NTN1: variants seen among roughly 807,000 people sequenced by gnomAD.
The protein encoded by NTN1 is netrin-1.
Under a neutral mutation model 54.2 loss-of-function variants are expected in NTN1, and 11 were observed. The observed-to-expected ratio is 0.20, with a 90% confidence interval of 0.13 to 0.34. The LOEUF is 0.34. Ranked by LOEUF, NTN1 falls within the 10% of genes least tolerant of loss-of-function variation. The pLI, the probability that NTN1 is intolerant of heterozygous loss-of-function variation, is 1.00. For synonymous variants in NTN1, 371 were observed against 382.0 expected, an observed-to-expected ratio of 0.97 and a Z score of 0.33; for missense variants, 740 against 893.1, an observed-to-expected ratio of 0.83 and a Z score of 2.18.
chr17:9,139,396 G>A (rs2092290893), intron 2 of NTN1, among the ~76,000 whole-genome samples: 1 of 152,128 alleles, frequency 6.6e-6, no homozygotes, highest in African/African-American at 2.4e-5. Flanking sequence ...ACCTTCATTG[G>A]CTCCTTCTGA....
At chr17:9,179,658 G>A (rs1291224918) in intron 3 of NTN1, 149 bp from the exon 4 acceptor site, 21 of 954,566 alleles carry the variant, frequency 2.2e-5, no homozygotes, top group Middle Eastern at 3.2e-4. Context: ...AGCTTCCGGA[G>A]TGCGTTTGGG....
intron 2 of NTN1, among the ~76,000 whole-genome samples, chr17:9,097,479 G>C (rs142405624): frequency 3.1e-3 from 470 of 152,216 alleles, no homozygotes; most frequent in Middle Eastern, 0.01. Context: ...AAAAAAATTA[G>C]CTGGGTATAT....
intron 5 of NTN1, among the ~76,000 whole-genome samples, chr17:9,199,493 T>C (rs1904725724): frequency 6.6e-6 from 1 of 152,246 alleles, no homozygotes; most frequent in African/African-American, 2.4e-5. Context: ...GATGGGTGGC[T>C]CCCTTCCAAG....
chr17:9,201,297 C>T (rs1904779242), intron 5 of NTN1, among the ~76,000 whole-genome samples: 1 of 152,156 alleles, frequency 6.6e-6, no homozygotes, highest in Non-Finnish European at 1.5e-5. Flanking sequence ...GTGCTCTCCT[C>T]CTGGGCTTAC....
At chr17:9,089,073 G>A (rs2092099636) in intron 2 of NTN1, among the ~76,000 whole-genome samples, 1 of 152,158 alleles carries the variant, frequency 6.6e-6, no homozygotes, top group South Asian at 2.1e-4. Flanking sequence ...GTGGAGAGCT[G>A]AGAAGACCAG....
intron 5 of NTN1, among the ~76,000 whole-genome samples, chr17:9,191,507 A>C (rs935565681): frequency 2.0e-5 from 3 of 152,212 alleles, no homozygotes; most frequent in African/African-American, 7.2e-5. Context: ...TCTATAAGCA[A>C]AATAAAAGGC....
chr17:9,160,495 A>G (rs9891566), intron 2 of NTN1, among the ~76,000 whole-genome samples: 23,067 of 152,218 alleles, frequency 0.15, 1,886 homozygotes, highest in Non-Finnish European at 0.17. Context: ...CTAGATGTAT[A>G]AAAGTATGAT....
chr17:9,085,905 G>C (rs2092088767), intron 2 of NTN1, among the ~76,000 whole-genome samples: 1 of 152,158 alleles, frequency 6.6e-6, no homozygotes, highest in Non-Finnish European at 1.5e-5. Flanking sequence ...CACGTGGGGA[G>C]AACTGTCTCC....
chr17:9,131,749 T>G (rs1219983160), intron 2 of NTN1, among the ~76,000 whole-genome samples: 3 of 151,970 alleles, frequency 2.0e-5, no homozygotes, highest in African/African-American at 7.2e-5. Context: ...CCTGGCTAAT[T>G]TTTTGTATTT....
chr17:9,118,701 A>T (rs559443304), intron 2 of NTN1, among the ~76,000 whole-genome samples: 1 of 151,596 alleles, frequency 6.6e-6, no homozygotes, highest in East Asian at 1.9e-4. Context: ...GTCTGCCTGG[A>T]TTTGCCTATT....
chr17:9,013,822 G>T, the NTN1 span, among the ~76,000 whole-genome samples: 2 of 152,010 alleles, frequency 1.3e-5, no homozygotes, highest in Admixed American at 6.6e-5. Context: ...TGCACCCTTT[G>T]TTCCTTCCTC....
chr17:9,174,303 G>C (rs1042063266), intron 3 of NTN1: 1 of 152,430 alleles, frequency 6.6e-6, no homozygotes, highest in Non-Finnish European at 1.5e-5. Flanking sequence ...GGGGATGAAA[G>C]AGCTGATTGG....
At chr17:9,232,397 G>A (rs1454101452) in intron 6 of NTN1, among the ~76,000 whole-genome samples, 6 of 152,188 alleles carry the variant, frequency 3.9e-5, no homozygotes, top group Admixed American at 1.3e-4. Flanking sequence ...AGGCCTGACT[G>A]TGCCCACCTC....
At chr17:9,227,359 A>G (rs1567745469) in intron 6 of NTN1, among the ~76,000 whole-genome samples, 1 of 142,704 alleles carries the variant, frequency 7.0e-6, no homozygotes, top group Non-Finnish European at 1.5e-5. Context: ...TCACACTCAC[A>G]TCATACACAC....
intron 2 of NTN1, among the ~76,000 whole-genome samples, chr17:9,036,629 T>C (rs541446113): frequency 6.6e-6 from 1 of 152,244 alleles, no homozygotes; most frequent in East Asian, 1.9e-4. Flanking sequence ...AAGGTGACTT[T>C]GTACAAGTGT....
chr17:9,030,453 A>C lies in NTN1; in HGVS notation c.1018+7062A>C, dbSNP rs188503115. On this transcript the variant is annotated intron_variant, in intron 2 of 6. Coordinates refer to ENST00000173229, the MANE Select transcript of NTN1 (RefSeq NM_004822.3). ...TGCATGTGAAGAAGACCTAGAAGAAAGATGATTCTGTGGCTGGACGCAGTG... is the reference window on the plus strand; with the variant it reads ...TGCATGTGAAGAAGACCTAGAAGAACGATGATTCTGTGGCTGGACGCAGTG... 5.7e-4 allele frequency among the ~76,000 whole-genome samples: 87 copies of C among 152,310 alleles called. 1 individual carries two copies. Among genetic ancestry groups the C allele is most frequent in the African/African-American group, 1.9e-3 (81 of 41,572 alleles).
At chr17:9,088,118 G>A (rs2092095447) in intron 2 of NTN1, among the ~76,000 whole-genome samples, 1 of 152,202 alleles carries the variant, frequency 6.6e-6, no homozygotes, top group South Asian at 2.1e-4. Flanking sequence ...TCACCAAGCT[G>A]GCATTGCTGG....
intron 2 of NTN1, among the ~76,000 whole-genome samples, chr17:9,080,684 T>C (rs2092067667): frequency 6.6e-6 from 1 of 152,174 alleles, no homozygotes; most frequent in Non-Finnish European, 1.5e-5. Context: ...GGACTTTCCC[T>C]CTCCCTGCCC....
At chr17:9,155,117 A>G (rs2092337657) in intron 2 of NTN1, among the ~76,000 whole-genome samples, 1 of 152,176 alleles carries the variant, frequency 6.6e-6, no homozygotes. Flanking sequence ...GAGGTCCAGA[A>G]GAACGGCCTC....
Sources: gnomAD v4.1 joint callset for allele counts (sites outside exome capture counted in the v4.1 genomes callset) on GRCh38, gnomAD v4.1.1 for gene constraint, MANE v1.5 for transcripts, NCBI Gene and HGNC (gene_info 2026-07-23, HGNC 2026-07-21) for gene names.